The following FAM171A1 variants were observed in gnomAD, a reference collection of about 807,000 sequenced individuals.
FAM171A1 encodes protein FAM171A1.
FAM171A1 carries 23 observed loss-of-function variants against 74.9 expected under a neutral mutation model. The observed-to-expected ratio is 0.31, with a 90% CI of 0.22 to 0.44. The LOEUF is 0.44. Ranked by LOEUF, FAM171A1 falls within the 20% of genes least tolerant of loss-of-function variation. The pLI, the probability that FAM171A1 is intolerant of heterozygous loss-of-function variation, is 1.00. For synonymous variants in FAM171A1, 527 were observed against 505.7 expected (o/e 1.04, Z -0.57); for missense variants, 1,162 against 1,159.2 (o/e 1.00, Z -0.03).
At chr10:15,247,109 T>C (rs549936551) in intron 5 of FAM171A1, among the ~76,000 whole-genome samples, 1 of 152,356 alleles carries the variant, frequency 6.6e-6, no homozygotes, top group African/African-American at 2.4e-5. Context: ...TTGGTTAGAA[T>C]AGTAACATTT....
intron 3 of FAM171A1, among the ~76,000 whole-genome samples, chr10:15,261,279 C>A (rs1588518067): frequency 6.6e-6 from 1 of 152,194 alleles, no homozygotes; most frequent in East Asian, 1.9e-4. Flanking sequence ...CTGTTTTCTG[C>A]CCTGGGGCTC....
At chr10:15,219,192 T>C (rs1834004557) in intron 6 of FAM171A1, among the ~76,000 whole-genome samples, 2 of 151,986 alleles carry the variant, frequency 1.3e-5, no homozygotes, top group Non-Finnish European at 2.9e-5. Flanking sequence ...TGAGGCAGGA[T>C]AATTGCTTGA....
chr10:15,220,410 TA>T lies in FAM171A1; in HGVS notation c.871+533del, dbSNP rs11394967. ...GAATATTTTTGGGGGTAACATAGGTTAAAAAAAATAAACTATTGGTCACGTT... is the reference window on the plus strand; with the variant it reads ...GAATATTTTTGGGGGTAACATAGGTTAAAAAAATAAACTATTGGTCACGTT... On this transcript the variant is annotated intron_variant, in intron 6 of 7. Coordinates refer to ENST00000378116, the MANE Select transcript of FAM171A1 (RefSeq NM_001010924.2). Among the ~76,000 whole-genome samples, 448 of 152,078 alleles carry T rather than the reference TA, an allele frequency of 2.9e-3. 2 individuals carry two copies. Among genetic ancestry groups the T allele is most frequent in the African/African-American group, 1.0e-2 (413 of 41,498 alleles).
At chr10:15,292,723 C>A (rs1209583821) in intron 1 of FAM171A1, among the ~76,000 whole-genome samples, 2 of 152,084 alleles carry the variant, frequency 1.3e-5, no homozygotes, top group African/African-American at 4.8e-5. Context: ...CGGACTCAAG[C>A]AATCCACCCG....
chr10:15,257,035 A>G (rs955990732), intron 3 of FAM171A1, among the ~76,000 whole-genome samples: 5 of 152,170 alleles, frequency 3.3e-5, no homozygotes, highest in African/African-American at 1.2e-4. Context: ...GATAGTATTC[A>G]ATGAACAAGC....
At chr10:15,316,344 G>A (rs766161609) in intron 1 of FAM171A1, among the ~76,000 whole-genome samples, 3 of 152,200 alleles carry the variant, frequency 2.0e-5, no homozygotes, top group Non-Finnish European at 2.9e-5. Context: ...AGGGCAGCGC[G>A]TGGCCTCCTT....
chr10:15,338,980 C>T (rs1276678960), intron 1 of FAM171A1, among the ~76,000 whole-genome samples: 1 of 152,186 alleles, frequency 6.6e-6, no homozygotes, highest in Non-Finnish European at 1.5e-5. Context: ...CTCAAGTGAT[C>T]CACCCGCCTT....
intron 1 of FAM171A1, among the ~76,000 whole-genome samples, chr10:15,325,813 A>G (rs920716780): frequency 1.3e-5 from 2 of 152,186 alleles, no homozygotes; most frequent in Admixed American, 6.5e-5. Flanking sequence ...TGAATGCGGT[A>G]GGGAAGTGCT....
chr10:15,331,880 C>CATATATATATATATATATATAT (rs71390031), intron 1 of FAM171A1, among the ~76,000 whole-genome samples: 103 of 59,604 alleles, frequency 1.7e-3, no homozygotes, highest in African/African-American at 2.8e-3. Flanking sequence ...TGTGTGTATA[C>CATATATATATATATATATATAT]ATATATATAT....
chr10:15,339,025 C>CA (rs2131867874), intron 1 of FAM171A1, among the ~76,000 whole-genome samples: 1 of 152,342 alleles, frequency 6.6e-6, no homozygotes, highest in South Asian at 2.1e-4. Context: ...AGGCATGAGC[C>CA]ACCGCACCCA....
At chr10:15,321,882 G>A (rs1292258552) in intron 1 of FAM171A1, among the ~76,000 whole-genome samples, 1 of 152,174 alleles carries the variant, frequency 6.6e-6, no homozygotes, top group Non-Finnish European at 1.5e-5. Context: ...GTTAAGCAAG[G>A]AACACACACA....
intron 1 of FAM171A1, among the ~76,000 whole-genome samples, chr10:15,328,675 C>T (rs1835588279): frequency 6.6e-6 from 1 of 152,192 alleles, no homozygotes; most frequent in African/African-American, 2.4e-5. Flanking sequence ...CTTCTTTCAT[C>T]AGCTTCCTTG....
chr10:15,255,107 T>C (rs913396381), intron 3 of FAM171A1, among the ~76,000 whole-genome samples: 2 of 152,210 alleles, frequency 1.3e-5, no homozygotes, highest in African/African-American at 4.8e-5. Flanking sequence ...CAGGATGTTA[T>C]TTAGGTTTTT....
intron 2 of FAM171A1, among the ~76,000 whole-genome samples, chr10:15,277,160 T>C (rs950628818): frequency 1.3e-5 from 2 of 152,242 alleles, no homozygotes; most frequent in African/African-American, 4.8e-5. Context: ...AACAGTATTC[T>C]AAGTGCTTTA....
At chr10:15,353,131 C>T (rs150555744) in intron 1 of FAM171A1, among the ~76,000 whole-genome samples, 1 of 152,248 alleles carries the variant, frequency 6.6e-6, no homozygotes, top group Non-Finnish European at 1.5e-5. Flanking sequence ...TATGCCTTAT[C>T]GCACATTCAA....
At chr10:15,262,342 G>A (rs190359670) in intron 3 of FAM171A1, among the ~76,000 whole-genome samples, 70 of 152,310 alleles carry the variant, frequency 4.6e-4, no homozygotes, top group African/African-American at 1.4e-3. Flanking sequence ...AGCAGCTCTG[G>A]GGGTCCTCAC....
chr10:15,343,804 C>T (rs1835791488), intron 1 of FAM171A1, among the ~76,000 whole-genome samples: 1 of 145,164 alleles, frequency 6.9e-6, no homozygotes, highest in African/African-American at 2.6e-5. Flanking sequence ...AGAGCAAGAT[C>T]CATCTCTCAA....
chr10:15,352,039 C>A (rs981887221), intron 1 of FAM171A1, among the ~76,000 whole-genome samples: 6 of 109,584 alleles, frequency 5.5e-5, no homozygotes, highest in African/African-American at 1.9e-4. Context: ...TACAAAAATA[C>A]AAAATACAAA....
chr10:15,304,095 A>C (rs1167904321), intron 1 of FAM171A1, among the ~76,000 whole-genome samples: 1 of 152,166 alleles, frequency 6.6e-6, no homozygotes, highest in South Asian at 2.1e-4. Flanking sequence ...CTTCCTCCCC[A>C]AAGGATGAAA....
Sources: gnomAD v4.1 joint callset for allele counts (sites outside exome capture counted in the v4.1 genomes callset) on GRCh38, gnomAD v4.1.1 for gene constraint, MANE v1.5 for transcripts, NCBI Gene and HGNC (gene_info 2026-07-23, HGNC 2026-07-21) for gene names.